Variants in PTK2 observed in about 807,000 individuals in gnomAD.
The protein encoded by PTK2 is protein tyrosine kinase 2, also known as focal adhesion kinase 1.
A neutral mutation model predicts 150.1 loss-of-function variants in PTK2; 45 were observed. The ratio of observed to expected loss-of-function variants is 0.30; its 90% CI spans 0.24 to 0.38. The LOEUF is 0.38. PTK2 is among the 10% of genes least tolerant of loss of function. The probability of loss-of-function intolerance (pLI) is 1.00; values close to 1 mark genes in which losing one functional copy is unlikely to be tolerated. For synonymous variants in PTK2, 432 were observed against 449.2 expected (o/e 0.96, Z 0.48); for missense variants, 919 against 1,307.3 (o/e 0.70, Z 4.58).
intron 14 of PTK2, among the ~76,000 whole-genome samples, chr8:140,774,696 A>G (rs904151270): frequency 6.6e-6 from 1 of 152,228 alleles, no homozygotes; most frequent in Non-Finnish European, 1.5e-5. Flanking sequence ...CTTGCTGATA[A>G]AACAGCTTGT....
intron 8 of PTK2, chr8:140,822,025 T>C (rs1489278402): frequency 1.3e-5 from 2 of 152,234 alleles, no homozygotes; most frequent in Non-Finnish European, 2.9e-5. Context: ...CAACAGAGCA[T>C]GCAGATTGGA....
intron 5 of PTK2, among the ~76,000 whole-genome samples, chr8:140,850,331 C>T (rs1433928684): frequency 6.6e-6 from 1 of 151,800 alleles, no homozygotes; most frequent in African/African-American, 2.4e-5. Flanking sequence ...GAGGCTAAGG[C>T]GGGAGAATTG....
chr8:140,729,538 C>G (rs2100047977), intron 22 of PTK2, among the ~76,000 whole-genome samples: 1 of 152,194 alleles, frequency 6.6e-6, no homozygotes, highest in Non-Finnish European at 1.5e-5. Flanking sequence ...AGCCATGTCC[C>G]CCTCAAAGCC....
intron 3 of PTK2, among the ~76,000 whole-genome samples, chr8:140,886,720 G>A (rs1270039449): frequency 6.6e-6 from 1 of 151,984 alleles, no homozygotes; most frequent in Non-Finnish European, 1.5e-5. Context: ...ACATTATCTT[G>A]ATTAATAATT....
intron 24 of PTK2, among the ~76,000 whole-genome samples, chr8:140,705,488 G>A (rs1591347013): frequency 6.6e-6 from 1 of 152,294 alleles, no homozygotes; most frequent in African/African-American, 2.4e-5. Context: ...TGATGGGAAG[G>A]GGCACAAAGG....
intron 15 of PTK2, among the ~76,000 whole-genome samples, chr8:140,762,779 T>C (rs543092000): frequency 6.6e-6 from 1 of 152,216 alleles, no homozygotes; most frequent in African/African-American, 2.4e-5. Context: ...GGTGTTTTTT[T>C]TTTCTTTTTT....
At chr8:140,856,366 AAAAAC>A (rs74275894) in intron 5 of PTK2, among the ~76,000 whole-genome samples, 68,709 of 150,632 alleles carry the variant, frequency 0.46, 16,005 homozygotes, top group Admixed American at 0.57. Flanking sequence ...AATAATAGTA[AAAAAC>A]AAAACAAAAC....
chr8:140,854,834 A>ACC (rs2100131552), intron 5 of PTK2, among the ~76,000 whole-genome samples: 1 of 152,166 alleles, frequency 6.6e-6, no homozygotes, highest in Non-Finnish European at 1.5e-5. Context: ...GACTTGGATG[A>ACC]ATTTTCAGAA....
Position 140,985,839 on chromosome 8 carries a change from AATAGTTATCT to A in PTK2, c.-122+15276_-122+15285del, listed in dbSNP as rs1332225555. On this transcript the variant is annotated intron_variant, in intron 1 of 31. Transcript: ENST00000522684. The stretch of plus-strand genomic sequence containing the variant: ...TTTGTAAGTTAAAATATCAATACTT[AATAGTTATCT>A]ACTCAGTGTGCCACAGATTCACATT... Among the ~76,000 whole-genome samples the A allele has an allele frequency of 1.1e-3, 166 of 152,336 alleles. No individual in the cohort carries two copies. In the Middle Eastern group the frequency reaches 0.024, roughly 22 times the overall value.
At chr8:140,721,072 TTTA>T (rs933170880) in intron 22 of PTK2, among the ~76,000 whole-genome samples, 8 of 149,790 alleles carry the variant, frequency 5.3e-5, no homozygotes, top group African/African-American at 1.0e-4. Context: ...CCTTTCTTTC[TTTA>T]TTTTTTTTTT....
At chr8:140,903,420 T>C (rs1411327648) in intron 2 of PTK2, among the ~76,000 whole-genome samples, 1 of 152,170 alleles carries the variant, frequency 6.6e-6, no homozygotes, top group Admixed American at 6.5e-5. Context: ...GTAGGATAGG[T>C]TGAAGTCAGG....
rs542346542 is a variant in PTK2, at chr8:140,828,305, A to G, written c.648+2167T>C. ...AGAGGGAACATTGAAGCAGAGGTTC[A>G]GAAGGACCAGTCATGGAGGAGACAG... On this transcript the variant is annotated intron_variant, in intron 8 of 31. Transcript: ENST00000522684. Among the ~76,000 whole-genome samples the G allele has an allele frequency of 5.3e-4, 80 of 152,310 alleles. 1 individual carries two copies. The highest frequency in any genetic ancestry group is 3.2e-4 in the Non-Finnish European group (22 of 68,024).
chr8:140,699,023 C>T (rs898956355), intron 26 of PTK2, among the ~76,000 whole-genome samples: 12 of 150,710 alleles, frequency 8.0e-5, no homozygotes, highest in Non-Finnish European at 1.8e-4. Context: ...CCCACCTTGG[C>T]CTCCCAAAGT....
chr8:140,691,605 C>T (rs2100023258), intron 26 of PTK2, among the ~76,000 whole-genome samples: 1 of 152,178 alleles, frequency 6.6e-6, no homozygotes, highest in Non-Finnish European at 1.5e-5. Context: ...GTCTCTGTTA[C>T]CTGCTAGAAC....
intron 1 of PTK2, among the ~76,000 whole-genome samples, chr8:140,996,314 C>T (rs146651772): frequency 1.4e-4 from 21 of 152,354 alleles, no homozygotes; most frequent in Non-Finnish European, 1.5e-4. Flanking sequence ...AAAAAGCCAT[C>T]TCCACAGCAT....
chr8:140,974,423 T>C (rs1487047303), intron 1 of PTK2, among the ~76,000 whole-genome samples: 1 of 152,218 alleles, frequency 6.6e-6, no homozygotes, highest in Non-Finnish European at 1.5e-5. Context: ...TCATAGCATG[T>C]TGAAGCATTC....
At chr8:140,915,280 C>T (rs764349345) in intron 2 of PTK2, among the ~76,000 whole-genome samples, 5 of 151,962 alleles carry the variant, frequency 3.3e-5, no homozygotes, top group African/African-American at 4.8e-5. Context: ...ATTGTTTGAT[C>T]GGGCTGGGTG....
At chr8:140,785,241 C>T (rs991479939) in intron 14 of PTK2, among the ~76,000 whole-genome samples, 6 of 152,210 alleles carry the variant, frequency 3.9e-5, no homozygotes, top group South Asian at 2.1e-4. Context: ...TCGGTTCCCG[C>T]TACCCAGAAT....
At chr8:140,673,829 C>G (rs1221092200) in intron 29 of PTK2, among the ~76,000 whole-genome samples, 1 of 152,124 alleles carries the variant, frequency 6.6e-6, no homozygotes, top group Admixed American at 6.6e-5. Context: ...GAGGATGGCT[C>G]TACTCAGCAT....
Sources: gnomAD v4.1 joint callset for allele counts (sites outside exome capture counted in the v4.1 genomes callset) on GRCh38, gnomAD v4.1.1 for gene constraint, MANE v1.5 for transcripts, NCBI Gene and HGNC (gene_info 2026-07-23, HGNC 2026-07-21) for gene names.